Variants in DPH6 observed in about 807,000 individuals in gnomAD.
DPH6 encodes the protein diphthine--ammonia ligase.
DPH6 carries 33 observed loss-of-function variants against 38.2 expected under a neutral mutation model. The observed-to-expected ratio is 0.86, with a 90% CI of 0.65 to 1.15. The LOEUF (loss-of-function observed/expected upper bound fraction) is 1.15. Ranked by LOEUF, DPH6 falls within the 50% of genes most tolerant of loss-of-function variation. The pLI is 0.00. For missense variants in DPH6, 325 were observed against 320.0 expected (o/e 1.02, Z -0.12); for synonymous variants, 108 against 103.0 (o/e 1.05, Z -0.30).
intron 3 of DPH6, among the ~76,000 whole-genome samples, chr15:35,331,946 A>T (rs2052329862): frequency 1.3e-5 from 2 of 152,132 alleles, no homozygotes; most frequent in Admixed American, 6.6e-5. Context: ...GTATGCCCAG[A>T]GCTTTTGGTA....
At chr15:35,512,125 T>G (rs1226399243) in intron 3 of DPH6, among the ~76,000 whole-genome samples, 1 of 152,168 alleles carries the variant, frequency 6.6e-6, no homozygotes, top group Non-Finnish European at 1.5e-5. Flanking sequence ...CCTGCAGTAA[T>G]AATTTTCATA....
chr15:35,284,420 G>A (rs753277203), intron 3 of DPH6, among the ~76,000 whole-genome samples: 1 of 151,946 alleles, frequency 6.6e-6, no homozygotes, highest in African/African-American at 2.4e-5. Context: ...CCAAGGAGAC[G>A]TGTCTACATT....
chr15:35,246,868 C>T (rs150688915), intron 3 of DPH6, among the ~76,000 whole-genome samples: 64 of 152,262 alleles, frequency 4.2e-4, no homozygotes, highest in African/African-American at 1.5e-3. Context: ...GGAGCTGATG[C>T]TTTAAAGTAA....
intron 3 of DPH6, among the ~76,000 whole-genome samples, chr15:35,286,384 A>G (rs1310381980): frequency 3.3e-5 from 5 of 152,196 alleles, no homozygotes; most frequent in South Asian, 2.1e-4. Flanking sequence ...GCTTCGCCCA[A>G]TGAATACCTC....
At chr15:35,386,284 T>C (rs1324363305) in intron 6 of DPH6, among the ~76,000 whole-genome samples, 1 of 152,246 alleles carries the variant, frequency 6.6e-6, no homozygotes, top group Non-Finnish European at 1.5e-5. Flanking sequence ...TCTTTGCTAT[T>C]GTGAATAGTG....
At chr15:35,488,117 T>C (rs1421996372) in intron 3 of DPH6, among the ~76,000 whole-genome samples, 1 of 152,200 alleles carries the variant, frequency 6.6e-6, no homozygotes, top group Non-Finnish European at 1.5e-5. Flanking sequence ...CAGCCCAGAC[T>C]TCATTGTCCA....
At chr15:35,212,186 G>A in the DPH6 span, among the ~76,000 whole-genome samples, 4 of 152,124 alleles carry the variant, frequency 2.6e-5, no homozygotes, top group African/African-American at 2.4e-5. Flanking sequence ...AACTGGCAGA[G>A]TTTTTGGCTC....
chr15:35,283,290 C>T (rs1028701220), intron 3 of DPH6, among the ~76,000 whole-genome samples: 1 of 150,648 alleles, frequency 6.6e-6, no homozygotes, highest in Non-Finnish European at 1.5e-5. Context: ...TCTTCTTCTT[C>T]CTCCTCCTCC....
chr15:35,175,895 G>A, the DPH6 span, among the ~76,000 whole-genome samples: 1 of 152,152 alleles, frequency 6.6e-6, no homozygotes, highest in African/African-American at 2.4e-5. Context: ...TTGGCCCAGG[G>A]TACTAGGGTA....
At chr15:35,298,850 A>T (rs2052033451) in intron 3 of DPH6, 1 of 1,041,172 alleles carries the variant, frequency 9.6e-7, no homozygotes, top group Non-Finnish European at 1.5e-6. Flanking sequence ...GAAGACTGTG[A>T]TCGAGGTCTT....
intron 3 of DPH6, among the ~76,000 whole-genome samples, chr15:35,491,575 A>ACACACACG (rs34046213): frequency 2.0e-5 from 3 of 151,572 alleles, no homozygotes; most frequent in Admixed American, 6.6e-5. Flanking sequence ...ACACACACAC[A>ACACACACG]CACACACACA....
intron 3 of DPH6, among the ~76,000 whole-genome samples, chr15:35,308,606 C>G (rs569864835): frequency 6.6e-6 from 1 of 151,882 alleles, no homozygotes; most frequent in Non-Finnish European, 1.5e-5. Context: ...CAATTCCTAC[C>G]GAAATGAGTT....
chr15:35,246,141 CT>C (rs1245513472), intron 3 of DPH6, among the ~76,000 whole-genome samples: 10 of 152,190 alleles, frequency 6.6e-5, no homozygotes, highest in Non-Finnish European at 5.9e-5. Flanking sequence ...GGCCCCACCC[CT>C]ATCTCCCTTT....
chr15:35,283,623 C>T (rs2051918039), intron 3 of DPH6, among the ~76,000 whole-genome samples: 1 of 152,112 alleles, frequency 6.6e-6, no homozygotes, highest in Non-Finnish European at 1.5e-5. Flanking sequence ...TGGTTCTTCC[C>T]ACCCCATCAA....
chr15:35,248,092 A>ATT (rs1394604403), intron 3 of DPH6, among the ~76,000 whole-genome samples: 2 of 152,238 alleles, frequency 1.3e-5, no homozygotes. Context: ...GTAACTAACT[A>ATT]AAAGTATACG....
chr15:35,425,084 G>T (rs946345999), intron 5 of DPH6, among the ~76,000 whole-genome samples: 4 of 151,564 alleles, frequency 2.6e-5, no homozygotes, highest in Admixed American at 6.6e-5. Context: ...ACCAATACAA[G>T]TAGTATTTTC....
chr15:35,258,626 G>T (rs1320549543), intron 3 of DPH6, among the ~76,000 whole-genome samples: 1 of 152,180 alleles, frequency 6.6e-6, no homozygotes, highest in African/African-American at 2.4e-5. Context: ...GCTTAGGGAT[G>T]AGTTAAGGTA....
intron 3 of DPH6, among the ~76,000 whole-genome samples, chr15:35,234,192 G>T (rs1163841809): frequency 2.0e-5 from 3 of 152,198 alleles, no homozygotes; most frequent in Non-Finnish European, 2.9e-5. Context: ...CTTCTGGCTT[G>T]CCCCAGATTG....
intron 3 of DPH6, among the ~76,000 whole-genome samples, chr15:35,230,076 T>C (rs1175830515): frequency 6.6e-6 from 1 of 152,188 alleles, no homozygotes; most frequent in African/African-American, 2.4e-5. Flanking sequence ...CCTGGGGCTC[T>C]ACAATCAGGA....
Sources: allele counts gnomAD v4.1 joint callset (sites outside exome capture counted in the v4.1 genomes callset), GRCh38; gene constraint gnomAD v4.1.1; transcripts MANE v1.5; gene names NCBI Gene and HGNC (gene_info 2026-07-23, HGNC 2026-07-21).